NREP: variants seen among roughly 807,000 people sequenced by gnomAD.
NREP encodes neuronal regeneration related protein.
In NREP, 5 loss-of-function variants were observed where a neutral mutation model predicts 8.6. The ratio of observed to expected loss-of-function variants is 0.58; its 90% CI spans 0.30 to 1.22. NREP has a LOEUF of 1.22. NREP is among the 50% of genes most tolerant of loss of function. NREP has a pLI of 0.07. For synonymous variants in NREP, 27 were observed against 28.0 expected (o/e 0.96, Z 0.11); for missense variants, 86 against 82.5 (o/e 1.04, Z -0.17).
chr5:111,797,553 A>T (rs1025729530), intron 2 of NREP, among the ~76,000 whole-genome samples: 5 of 152,206 alleles, frequency 3.3e-5, no homozygotes, highest in African/African-American at 1.2e-4. Flanking sequence ...TATAAAGCTG[A>T]TAATATTGCT....
At chr5:111,887,205 T>G (rs1754282221) in intron 2 of NREP, among the ~76,000 whole-genome samples, 1 of 152,118 alleles carries the variant, frequency 6.6e-6, no homozygotes, top group South Asian at 2.1e-4. Flanking sequence ...ATTACAGGTG[T>G]AAACTACCAT....
At chr5:111,740,755 T>C (rs1749577045) in intron 2 of NREP, among the ~76,000 whole-genome samples, 1 of 152,206 alleles carries the variant, frequency 6.6e-6, no homozygotes, top group Non-Finnish European at 1.5e-5. Flanking sequence ...TTCAATGGCA[T>C]GGTCCAAATA....
chr5:111,888,990 A>G (rs1471971700), intron 2 of NREP, among the ~76,000 whole-genome samples: 1 of 152,258 alleles, frequency 6.6e-6, no homozygotes, highest in Non-Finnish European at 1.5e-5. Context: ...TCTATGGTCT[A>G]TGTCACAGCA....
chr5:111,964,878 A>T (rs1199074592), intron 2 of NREP, among the ~76,000 whole-genome samples: 12 of 143,904 alleles, frequency 8.3e-5, no homozygotes, highest in Non-Finnish European at 1.3e-4. Flanking sequence ...AAAAAAAAAA[A>T]AAAAAAAAAA....
At chr5:111,795,663 A>T (rs1751857523) in intron 2 of NREP, among the ~76,000 whole-genome samples, 1 of 152,208 alleles carries the variant, frequency 6.6e-6, no homozygotes, top group Non-Finnish European at 1.5e-5. Context: ...TTTGTTTAAG[A>T]ACCTATTCAT....
At position 111,947,077 on chromosome 5, in the gene NREP, C is replaced by T. The variant is rs533456656; in HGVS notation, c.135+28197G>A. On this transcript the variant is annotated intron_variant, in intron 2 of 3. Transcript: ENST00000395634. ...TCCAAATCACAGTTTATACTTTTCA[C>T]GTTCTTAACAAAAATAACTTTGACA... 4.6e-5 allele frequency among the ~76,000 whole-genome samples: 7 copies of T among 152,124 alleles called. No homozygotes were observed. The South Asian group carries it at 6.2e-4, about 14-fold the overall frequency.
At chr5:111,826,617 G>C (rs1374632581) in intron 2 of NREP, among the ~76,000 whole-genome samples, 1 of 152,202 alleles carries the variant, frequency 6.6e-6, no homozygotes, top group African/African-American at 2.4e-5. Context: ...CTTGAAGTCA[G>C]TGAGACAAAG....
At chr5:111,741,129 G>A (rs538620723) in intron 2 of NREP, among the ~76,000 whole-genome samples, 2 of 152,188 alleles carry the variant, frequency 1.3e-5, no homozygotes, top group South Asian at 2.1e-4. Flanking sequence ...ATGCACACAC[G>A]GGTCCTTTAT....
At chr5:111,846,214 TA>T in intron 2 of NREP, 1 of 185,296 alleles carries the variant, frequency 5.4e-6, no homozygotes, top group Non-Finnish European at 1.1e-5. Flanking sequence ...AAATGGTTGA[TA>T]AAAATATTCC....
intron 2 of NREP, among the ~76,000 whole-genome samples, chr5:111,805,891 C>A (rs1257542725): frequency 8.2e-6 from 1 of 121,326 alleles, no homozygotes; most frequent in African/African-American, 3.1e-5. Flanking sequence ...TAATGTATGG[C>A]ATGCTTGAAA....
In NREP at chr5:111,736,266, T is replaced by C. The variant is rs76892574; in HGVS notation, c.4-759A>G. ...GTCAGCTCTAAGGAAGAACTCAGCA[T>C]AAGAATTGTCAAATTACTAAAAGAA... On this transcript the variant is annotated intron_variant, in intron 2 of 3. Transcript: ENST00000257435. 8.3e-3 allele frequency among the ~76,000 whole-genome samples: 1,265 copies of C among 152,302 alleles called. 17 individuals are homozygous for C. Among genetic ancestry groups the C allele is most frequent in the African/African-American group, 0.029 (1,213 of 41,562 alleles).
intron 2 of NREP, among the ~76,000 whole-genome samples, chr5:111,884,173 C>T (rs1754172888): frequency 6.6e-6 from 1 of 151,560 alleles, no homozygotes; most frequent in African/African-American, 2.4e-5. Context: ...ATACAAACTA[C>T]CATCAGAGAA....
intron 2 of NREP, among the ~76,000 whole-genome samples, chr5:111,884,206 A>C (rs1337959509): frequency 6.6e-6 from 1 of 151,624 alleles, no homozygotes; most frequent in Non-Finnish European, 1.5e-5. Flanking sequence ...CTCTACGCAA[A>C]TAAACTAGAA....
intron 2 of NREP, among the ~76,000 whole-genome samples, chr5:111,747,482 T>C (rs1363605908): frequency 6.6e-6 from 1 of 152,084 alleles, no homozygotes; most frequent in African/African-American, 2.4e-5. Context: ...AAGGACATGG[T>C]GTGTGATGGT....
chr5:111,958,836 T>A (rs1198032227), intron 2 of NREP, among the ~76,000 whole-genome samples: 1 of 151,996 alleles, frequency 6.6e-6, no homozygotes. Flanking sequence ...AAGAATTTTT[T>A]TAAGGATAAC....
chr5:111,839,159 A>T lies in NREP; in HGVS notation c.136-103652T>A, dbSNP rs576442163. On this transcript the variant is annotated intron_variant, in intron 2 of 3. Coordinates refer to the NREP transcript ENST00000395634. ...TGTTACAAACTACATTGTCTCTAGC[A>T]TAGCAAATCATAGTTATCAAAGTTT... Among the ~76,000 whole-genome samples, 115 of 152,258 alleles carry T rather than the reference A, an allele frequency of 7.6e-4. 2 individuals carry two copies. Among genetic ancestry groups the T allele is most frequent in the African/African-American group, 2.7e-3 (111 of 41,564 alleles).
intron 2 of NREP, among the ~76,000 whole-genome samples, chr5:111,886,217 A>G (rs1754243091): frequency 6.6e-6 from 1 of 152,084 alleles, no homozygotes; most frequent in Non-Finnish European, 1.5e-5. Flanking sequence ...AACCACATGA[A>G]AAAATGCTCA....
At chr5:111,748,681 A>G (rs1326300944) in intron 2 of NREP, among the ~76,000 whole-genome samples, 1 of 152,120 alleles carries the variant, frequency 6.6e-6, no homozygotes, top group Non-Finnish European at 1.5e-5. Flanking sequence ...TTTCTCTACA[A>G]TTTCATTACT....
chr5:111,795,186 T>C (rs535108105), intron 2 of NREP, among the ~76,000 whole-genome samples: 2 of 152,240 alleles, frequency 1.3e-5, no homozygotes, highest in East Asian at 3.8e-4. Flanking sequence ...TTCATACAAA[T>C]AAATGGGGAA....
Sources: allele counts gnomAD v4.1 joint callset (sites outside exome capture counted in the v4.1 genomes callset), GRCh38; gene constraint gnomAD v4.1.1; transcripts MANE v1.5; gene names NCBI Gene and HGNC (gene_info 2026-07-23, HGNC 2026-07-21).